The following STXBP5L variants were observed in gnomAD, a reference collection of about 807,000 sequenced individuals.
STXBP5L encodes the protein syntaxin-binding protein 5-like.
Under a neutral mutation model 144.5 loss-of-function variants are expected in STXBP5L, and 65 were observed. The observed-to-expected ratio is 0.45, with a 90% CI of 0.37 to 0.55. The LOEUF is 0.55. Ranked by LOEUF, STXBP5L falls within the 20% of genes least tolerant of loss-of-function variation. The pLI, the probability that STXBP5L is intolerant of heterozygous loss-of-function variation, is 0.00. For synonymous variants in STXBP5L, 505 were observed against 469.6 expected, an observed-to-expected ratio of 1.08 and a Z score of -0.97; for missense variants, 1,298 against 1,405.5, an observed-to-expected ratio of 0.92 and a Z score of 1.22.
chr3:120,977,893 A>C (rs1176937699), intron 3 of STXBP5L, among the ~76,000 whole-genome samples: 1 of 152,230 alleles, frequency 6.6e-6, no homozygotes, highest in East Asian at 1.9e-4. Flanking sequence ...TCTGGCTTGC[A>C]GATTTTCTGC....
At chr3:121,383,934 G>A (rs1215535689) in intron 22 of STXBP5L, among the ~76,000 whole-genome samples, 2 of 152,108 alleles carry the variant, frequency 1.3e-5, no homozygotes, top group East Asian at 1.9e-4. Flanking sequence ...GGGGCATTTA[G>A]CACTTGTCCA....
At chr3:121,028,503 T>G (rs536411075) in intron 3 of STXBP5L, among the ~76,000 whole-genome samples, 1 of 152,232 alleles carries the variant, frequency 6.6e-6, no homozygotes, top group South Asian at 2.1e-4. Flanking sequence ...AGTAAAGCTA[T>G]CCACTGCTGT....
At chr3:121,057,419 G>T (rs979085705) in intron 5 of STXBP5L, among the ~76,000 whole-genome samples, 1 of 151,730 alleles carries the variant, frequency 6.6e-6, no homozygotes, top group Non-Finnish European at 1.5e-5. Context: ...TAACTTTGCC[G>T]TTGTGTAACA....
intron 22 of STXBP5L, among the ~76,000 whole-genome samples, chr3:121,399,819 T>A (rs148944099): frequency 2.0e-4 from 31 of 152,324 alleles, no homozygotes; most frequent in Middle Eastern, 3.4e-3. Flanking sequence ...AGAGATTTTG[T>A]TTATGGCTAG....
intron 19 of STXBP5L, among the ~76,000 whole-genome samples, chr3:121,286,481 G>C (rs1161589761): frequency 1.3e-5 from 2 of 152,150 alleles, no homozygotes; most frequent in Non-Finnish European, 2.9e-5. Flanking sequence ...ACATAGTGAT[G>C]AGTGAAACAA....
chr3:121,364,142 G>T (rs746188345), intron 20 of STXBP5L, among the ~76,000 whole-genome samples: 1 of 152,024 alleles, frequency 6.6e-6, no homozygotes, highest in Non-Finnish European at 1.5e-5. Flanking sequence ...GCCCTTTGTA[G>T]CTTCTAAGAG....
rs140478671 is a variant in STXBP5L, at chr3:120,914,545, A to G, written c.189+4778A>G. On this transcript the variant is annotated intron_variant, in intron 2 of 26. Transcript: ENST00000471454. ...CAGGACCCTAGCAAGATGAAAGGAG[A>G]TTAAATGCCCAGATATCCTTGAATA... Among the ~76,000 whole-genome samples, 708 of 152,180 alleles carry G rather than the reference A, an allele frequency of 4.7e-3. 5 individuals are homozygous for G. The highest frequency in any genetic ancestry group is 0.016 in the African/African-American group (669 of 41,538).
chr3:121,395,380 T>C (rs1203140542), intron 22 of STXBP5L, among the ~76,000 whole-genome samples: 1 of 152,194 alleles, frequency 6.6e-6, no homozygotes, highest in Non-Finnish European at 1.5e-5. Flanking sequence ...AATTAAAAAT[T>C]ATGACTTTTA....
chr3:120,923,406 G>A (rs1709452601), intron 2 of STXBP5L, among the ~76,000 whole-genome samples: 1 of 151,416 alleles, frequency 6.6e-6, no homozygotes, highest in Non-Finnish European at 1.5e-5. Flanking sequence ...TGCTCTTATA[G>A]TTCCTTGAGG....
At position 121,186,537 on chromosome 3, in the gene STXBP5L, A is replaced by C. The variant is rs923842915; in HGVS notation, c.878-19386A>C. ...GAATTTTGTCAAAGGCCTTTCCTGC[A>C]TCTATTGAGATAATCCTGTGGTTTT... is the stretch of plus-strand genomic sequence containing the variant. On this transcript the variant is annotated intron_variant, in intron 9 of 26. Coordinates refer to ENST00000471454, the MANE Select transcript of STXBP5L (RefSeq NM_001308330.2). Among the ~76,000 whole-genome samples the C allele has an allele frequency of 2.0e-5, 3 of 152,356 alleles. No homozygotes were observed. The East Asian group carries it at 5.8e-4, about 29-fold the overall frequency.
At chr3:120,922,054 GA>G (rs1709385159) in intron 2 of STXBP5L, among the ~76,000 whole-genome samples, 1 of 151,942 alleles carries the variant, frequency 6.6e-6, no homozygotes, top group African/African-American at 2.4e-5. Flanking sequence ...ACTTTGGGTA[GA>G]ATTGTCATTT....
At chr3:121,133,957 G>T (rs2045120909) in intron 7 of STXBP5L, among the ~76,000 whole-genome samples, 1 of 152,136 alleles carries the variant, frequency 6.6e-6, no homozygotes, top group Non-Finnish European at 1.5e-5. Context: ...CCTGCCACCA[G>T]TTCCCAACCT....
At chr3:121,199,022 A>G (rs2048031757) in intron 9 of STXBP5L, among the ~76,000 whole-genome samples, 1 of 152,208 alleles carries the variant, frequency 6.6e-6, no homozygotes, top group South Asian at 2.1e-4. Flanking sequence ...TTCTGCAAAG[A>G]AAGTCAAAGG....
chr3:120,982,865 G>A (rs987946341), intron 3 of STXBP5L, among the ~76,000 whole-genome samples: 4 of 152,176 alleles, frequency 2.6e-5, no homozygotes, highest in Non-Finnish European at 5.9e-5. Flanking sequence ...GTATGCATGA[G>A]TCCTGGTTGG....
intron 18 of STXBP5L, among the ~76,000 whole-genome samples, chr3:121,272,634 C>A (rs998684519): frequency 6.6e-6 from 1 of 152,216 alleles, no homozygotes; most frequent in East Asian, 1.9e-4. Flanking sequence ...TTAGTAGGTA[C>A]AAATTTACAA....
At chr3:120,979,992 A>G (rs1486740903) in intron 3 of STXBP5L, among the ~76,000 whole-genome samples, 1 of 152,190 alleles carries the variant, frequency 6.6e-6, no homozygotes, top group Non-Finnish European at 1.5e-5. Context: ...ACAATCTTTC[A>G]GGAGCAGGTT....
chr3:121,007,631 A>T (rs1258896536), intron 3 of STXBP5L, among the ~76,000 whole-genome samples: 1 of 151,994 alleles, frequency 6.6e-6, no homozygotes, highest in Non-Finnish European at 1.5e-5. Flanking sequence ...ACGCAGCAGG[A>T]GATAACAGGA....
chr3:121,002,299 T>A (rs1407143013), intron 3 of STXBP5L, among the ~76,000 whole-genome samples: 1 of 152,222 alleles, frequency 6.6e-6, no homozygotes, highest in Non-Finnish European at 1.5e-5. Context: ...TCCCTGATGA[T>A]TAGTAATGTT....
At chr3:121,078,694 G>T (rs572382309) in intron 5 of STXBP5L, among the ~76,000 whole-genome samples, 15 of 152,304 alleles carry the variant, frequency 9.8e-5, no homozygotes, top group African/African-American at 3.6e-4. Flanking sequence ...TCTGAGCCCT[G>T]CCCCACAGGG....
Sources: gnomAD v4.1 joint callset for allele counts (sites outside exome capture counted in the v4.1 genomes callset) on GRCh38, gnomAD v4.1.1 for gene constraint, MANE v1.5 for transcripts, NCBI Gene and HGNC (gene_info 2026-07-23, HGNC 2026-07-21) for gene names.